Variants in NAV1 observed in about 807,000 individuals in gnomAD.
NAV1 encodes the protein neuron navigator 1.
A neutral mutation model predicts 175.2 loss-of-function variants in NAV1; 18 were observed. The ratio of observed to expected loss-of-function variants is 0.10; its 90% CI spans 0.07 to 0.15. The LOEUF is 0.15. Among genes scored for constraint, NAV1 ranks in the 10% least tolerant of loss-of-function variants. The probability of loss-of-function intolerance (pLI) is 1.00; values close to 1 mark genes in which losing one functional copy is unlikely to be tolerated. For synonymous variants in NAV1, 897 were observed against 978.7 expected (o/e 0.92, Z 1.56); for missense variants, 1,731 against 2,436.6 (o/e 0.71, Z 6.10).
At chr1:201,678,938 C>G (rs899914278) in intron 1 of NAV1, among the ~76,000 whole-genome samples, 1 of 152,128 alleles carries the variant, frequency 6.6e-6, no homozygotes, top group African/African-American at 2.4e-5. Context: ...CTGCTTCCAG[C>G]TGGGACACAG....
chr1:201,683,043 A>G (rs1202964672), intron 1 of NAV1, among the ~76,000 whole-genome samples: 1 of 152,106 alleles, frequency 6.6e-6, no homozygotes, highest in Non-Finnish European at 1.5e-5. Context: ...GTTTTAGCTC[A>G]TGTTCTTTTT....
chr1:201,556,409 C>A lies in NAV1; in HGVS notation c.-144+17067C>A, dbSNP rs187811794. Among the ~76,000 whole-genome samples the A allele has an allele frequency of 2.0e-5, 3 of 149,220 alleles. No individual in the cohort carries two copies. The East Asian group carries it at 5.9e-4, about 29-fold the overall frequency. On this transcript the variant is annotated intron_variant, in intron 1 of 33. Transcript: ENST00000685211. ...CTCCAGCCTGGGGGACAGAGGAAGA[C>A]CCTGTCTCAAAAAAGAAAAAAAAAA...
chr1:201,783,562 T>C (rs1676484463), exon 7 of NAV1: 5 of 1,614,136 alleles, frequency 3.1e-6, no homozygotes, highest in Non-Finnish European at 4.2e-6. Context: ...GCCCTCTCCC[T>C]TCCTGCTTCA....
chr1:201,552,512 T>G (rs1665887184), intron 1 of NAV1, among the ~76,000 whole-genome samples: 1 of 152,028 alleles, frequency 6.6e-6, no homozygotes, highest in African/African-American at 2.4e-5. Context: ...CTCTGACGCA[T>G]GTGGGGTAAT....
chr1:201,594,563 A>T (rs1318182246), intron 2 of NAV1, among the ~76,000 whole-genome samples: 1 of 152,236 alleles, frequency 6.6e-6, no homozygotes, highest in East Asian at 1.9e-4. Flanking sequence ...ATAGTTGAGG[A>T]CTGGCTTTGC....
chr1:201,753,242 T>A (rs559970746), intron 3 of NAV1, among the ~76,000 whole-genome samples: 2 of 152,332 alleles, frequency 1.3e-5, no homozygotes, highest in East Asian at 3.9e-4. Flanking sequence ...GTGGCATACA[T>A]ACTGCAGTTT....
intron 24 of NAV1, 56 bp from the exon 29 acceptor site, chr1:201,811,547 A>C: frequency 1.2e-6 from 2 of 1,607,712 alleles, no homozygotes; most frequent in Admixed American, 1.7e-5. Context: ...CTGATTTCCA[A>C]GGCCGATCCA....
chr1:201,709,603 A>AC (rs142496491), intron 1 of NAV1, among the ~76,000 whole-genome samples: 3,010 of 152,094 alleles, frequency 0.02, 107 homozygotes, highest in African/African-American at 0.069. Context: ...AACCCTCCAG[A>AC]CCCACCCTGG....
chr1:201,777,926 GGAAA>G (rs1676065394), intron 3 of NAV1, among the ~76,000 whole-genome samples: 1 of 151,878 alleles, frequency 6.6e-6, no homozygotes, highest in South Asian at 2.1e-4. Context: ...CACAGTGAGA[GGAAA>G]GAAAGAAAGA....
chr1:201,806,595 G>A (rs1307895383), intron 17 of NAV1, among the ~76,000 whole-genome samples: 1 of 152,178 alleles, frequency 6.6e-6, no homozygotes, highest in Non-Finnish European at 1.5e-5. Context: ...TTGAAAATTA[G>A]GAAGCCTGAG....
At chr1:201,792,203 C>G (rs1344702870) in intron 13 of NAV1, 1 of 151,782 alleles carries the variant, frequency 6.6e-6, no homozygotes, top group Non-Finnish European at 1.5e-5. Flanking sequence ...GGTCAGAACC[C>G]TGCCCTCAAG....
In NAV1 at chr1:201,682,210, C is replaced by T. The variant is rs146733481; in HGVS notation, c.758-30607C>T. 2.8e-3 allele frequency among the ~76,000 whole-genome samples: 422 copies of T among 151,966 alleles called. 2 individuals are homozygous for T. Among genetic ancestry groups the T allele is most frequent in the African/African-American group, 8.1e-3 (335 of 41,428 alleles). ...CTGAGGCACAAGAATCACTTGAACC[C>T]GGGAGGCGGAGGTTGCAGTGAGCTG... On this transcript the variant is annotated intron_variant, in intron 1 of 29. Coordinates refer to ENST00000367296, the Ensembl canonical transcript of NAV1.
chr1:201,757,266 CT>C (rs1248248101), intron 3 of NAV1, among the ~76,000 whole-genome samples: 3 of 151,858 alleles, frequency 2.0e-5, no homozygotes, highest in Admixed American at 6.6e-5. Context: ...TTTTCTTTTT[CT>C]TTTTTCTTTC....
chr1:201,565,782 G>A (rs1666337603), intron 1 of NAV1, among the ~76,000 whole-genome samples: 1 of 152,114 alleles, frequency 6.6e-6, no homozygotes, highest in African/African-American at 2.4e-5. Context: ...ACAGTTGAAG[G>A]TGGGACCCCA....
chr1:201,653,163 A>G (rs779578453), intron 1 of NAV1, among the ~76,000 whole-genome samples: 5 of 152,186 alleles, frequency 3.3e-5, no homozygotes, highest in Non-Finnish European at 5.9e-5. Flanking sequence ...GACTGTCTGT[A>G]CTATAGTAAC....
At chr1:201,611,071 T>C (rs1269524498) in intron 2 of NAV1, among the ~76,000 whole-genome samples, 2 of 152,156 alleles carry the variant, frequency 1.3e-5, no homozygotes, top group Non-Finnish European at 2.9e-5. Context: ...CCCCCTCTGC[T>C]AACAAGTCCC....
chr1:201,761,811 T>A (rs2102636111), intron 3 of NAV1, among the ~76,000 whole-genome samples: 1 of 152,300 alleles, frequency 6.6e-6, no homozygotes, highest in South Asian at 2.1e-4. Context: ...TCTTTTTTTC[T>A]TTTTCTTCTC....
At chr1:201,588,301 C>G (rs1056426695) in intron 1 of NAV1, among the ~76,000 whole-genome samples, 11 of 152,142 alleles carry the variant, frequency 7.2e-5, no homozygotes, top group African/African-American at 2.7e-4. Flanking sequence ...GTGAAAAAAG[C>G]CATACACAAA....
chr1:201,552,799 G>A (rs1665900427), intron 1 of NAV1, among the ~76,000 whole-genome samples: 1 of 152,204 alleles, frequency 6.6e-6, no homozygotes, highest in African/African-American at 2.4e-5. Context: ...AGTCAAGGAT[G>A]CCTCATTTAG....
Sources: allele counts gnomAD v4.1 joint callset (sites outside exome capture counted in the v4.1 genomes callset), GRCh38; gene constraint gnomAD v4.1.1; transcripts MANE v1.5; gene names NCBI Gene and HGNC (gene_info 2026-07-23, HGNC 2026-07-21).